RYR1: variants seen among roughly 807,000 people sequenced by gnomAD.
RYR1 encodes the protein ryanodine receptor 1.
Under a neutral mutation model 583.5 loss-of-function variants are expected in RYR1, and 342 were observed. That is an observed-to-expected ratio of 0.59 (90% CI 0.54 to 0.64). RYR1 has a LOEUF of 0.64. Ranked by LOEUF, RYR1 falls within the 30% of genes least tolerant of loss-of-function variation. The pLI, the probability that RYR1 is intolerant of heterozygous loss-of-function variation, is 0.00. For synonymous variants in RYR1, 2,791 were observed against 2,822.5 expected, an observed-to-expected ratio of 0.99 and a Z score of 0.35; for missense variants, 6,032 against 6,917.2, an observed-to-expected ratio of 0.87 and a Z score of 4.54.
intron 7 of RYR1, among the ~76,000 whole-genome samples, chr19:38,445,806 A>C (rs1416755063): frequency 6.6e-6 from 1 of 152,130 alleles, no homozygotes; most frequent in Non-Finnish European, 1.5e-5. Flanking sequence ...CTGGGCCAAC[A>C]TGGCAAAACC....
chr19:38,445,877 C>T (rs1367906732), intron 7 of RYR1, among the ~76,000 whole-genome samples: 1 of 114,064 alleles, frequency 8.8e-6, no homozygotes, highest in East Asian at 2.5e-4. Flanking sequence ...GTAGCCCCAG[C>T]TACTTGGGAG....
At chr19:38,579,424 CAAAAA>C (rs556139705) in intron 99 of RYR1, among the ~76,000 whole-genome samples, 1 of 110,784 alleles carries the variant, frequency 9.0e-6, no homozygotes. Context: ...GACTCCATCT[CAAAAA>C]AAAAAAAAAA....
chr19:38,453,513 A>G (rs1266333264), intron 13 of RYR1, among the ~76,000 whole-genome samples: 1 of 151,358 alleles, frequency 6.6e-6, no homozygotes, highest in Non-Finnish European at 1.5e-5. Context: ...TAGGGAGGGG[A>G]GGCCAGCTGT....
chr19:38,517,726 G>C, intron 66 of RYR1, 35 bp downstream of exon 66: 1 of 1,593,906 alleles, frequency 6.3e-7, no homozygotes, highest in Middle Eastern at 1.7e-4. Context: ...TGAGGGGTGG[G>C]TCAGCAGCCT....
intron 101 of RYR1, among the ~76,000 whole-genome samples, chr19:38,583,288 A>C (rs1599670154): frequency 7.1e-6 from 1 of 140,328 alleles, no homozygotes; most frequent in South Asian, 2.3e-4. Flanking sequence ...CAAGAGCAAA[A>C]CTCCATCTCA....
intron 8 of RYR1, 51 bp downstream of exon 8, chr19:38,446,616 C>A: frequency 1.2e-6 from 2 of 1,600,670 alleles, no homozygotes; most frequent in Non-Finnish European, 1.7e-6. Context: ...ACGTGGAGGG[C>A]TGGGACCCTA....
At chr19:38,481,565 C>T (rs1252003477) in intron 31 of RYR1, among the ~76,000 whole-genome samples, 1 of 152,126 alleles carries the variant, frequency 6.6e-6, no homozygotes, top group African/African-American at 2.4e-5. Flanking sequence ...AGGAACCAGG[C>T]TATTTGTCCT....
chr19:38,485,447 T>C (rs951686056), intron 33 of RYR1, 143 bp from the exon 34 acceptor site: 2 of 1,138,790 alleles, frequency 1.8e-6, no homozygotes, highest in African/African-American at 1.5e-5. Flanking sequence ...GGTGAATTGA[T>C]AGATGGAATG....
intron 37 of RYR1, among the ~76,000 whole-genome samples, chr19:38,491,547 G>A (rs1969551454): frequency 6.6e-6 from 1 of 151,514 alleles, no homozygotes; most frequent in Non-Finnish European, 1.5e-5. Context: ...TCCTACCTCA[G>A]CCTCCAAAGT....
intron 92 of RYR1, 23 bp from the exon 93 acceptor site, chr19:38,567,750 C>T: frequency 1.2e-6 from 2 of 1,614,162 alleles, no homozygotes; most frequent in South Asian, 1.1e-5. Context: ...CACCTCCTGA[C>T]CTCTCTCTGT....
intron 79 of RYR1, 93 bp downstream of exon 79, chr19:38,534,912 C>T: frequency 7.3e-7 from 1 of 1,365,702 alleles, no homozygotes; most frequent in Non-Finnish European, 1.0e-6. Flanking sequence ...CCATTTGCCG[C>T]CCCTCAATGC....
At chr19:38,518,401 T>TAAAAAAA (rs10714494) in intron 66 of RYR1, among the ~76,000 whole-genome samples, 1 of 113,794 alleles carries the variant, frequency 8.8e-6, no homozygotes. Context: ...CTCTATTATT[T>TAAAAAAA]AAAAAAAAAA....
intron 2 of RYR1, among the ~76,000 whole-genome samples, chr19:38,441,065 G>A (rs1449918732): frequency 1.3e-5 from 2 of 151,688 alleles, no homozygotes; most frequent in Non-Finnish European, 2.9e-5. Flanking sequence ...GGTCTGGGGT[G>A]TTGGAGGGAA....
chr19:38,583,297 CAA>C (rs1195725551), intron 101 of RYR1, among the ~76,000 whole-genome samples: 20 of 67,506 alleles, frequency 3.0e-4, no homozygotes, highest in Non-Finnish European at 2.2e-4. Flanking sequence ...AACTCCATCT[CAA>C]AAAAAAAAAA....
At chr19:38,539,005 C>T (rs2145760295) in intron 84 of RYR1, among the ~76,000 whole-genome samples, 1 of 152,288 alleles carries the variant, frequency 6.6e-6, no homozygotes, top group African/African-American at 2.4e-5. Context: ...CGGAAATCAA[C>T]TTTCGTGACA....
chr19:38,563,440 T>C (rs1043205120), intron 90 of RYR1, among the ~76,000 whole-genome samples: 1 of 152,194 alleles, frequency 6.6e-6, no homozygotes, highest in Non-Finnish European at 1.5e-5. Context: ...AATTTTTATA[T>C]TTTCAGTAGA....
At position 38,483,965 on chromosome 19, in the gene RYR1, A is replaced by C. The variant is rs1339978720; in HGVS notation, c.4934+449A>C. ...AGAATCCCGTGGATATTTCAAACCC[A>C]CCCCAGGGGACCCAGACACACCTAG... On this transcript the variant is annotated intron_variant, in intron 33 of 105. Transcript: ENST00000359596. The surrounding 1 kb of genome is among the most constrained non-coding windows in gnomAD (Gnocchi z 6.3). Among the ~76,000 whole-genome samples, 2 of 151,826 alleles carry C rather than the reference A, an allele frequency of 1.3e-5. No individual in the cohort carries two copies. The highest frequency in any genetic ancestry group is 2.9e-5 in the Non-Finnish European group (2 of 67,926).
intron 91 of RYR1, 80 bp from the exon 92 acceptor site, chr19:38,566,831 A>G (rs1165854493): frequency 8.4e-6 from 13 of 1,553,198 alleles, no homozygotes; most frequent in Non-Finnish European, 1.1e-5. Context: ...ATAAGAGAGA[A>G]AGGAGATGAG....
At chr19:38,468,580 T>A (rs1424047331) in intron 25 of RYR1, among the ~76,000 whole-genome samples, 4 of 152,192 alleles carry the variant, frequency 2.6e-5, no homozygotes, top group Non-Finnish European at 4.4e-5. Context: ...TAGCCACTCA[T>A]CTATTTTGTG....
Sources: gnomAD v4.1 joint callset for allele counts (sites outside exome capture counted in the v4.1 genomes callset) on GRCh38, gnomAD v4.1.1 for gene constraint, Gnocchi (gnomAD v3.1) non-coding constraint, MANE v1.5 for transcripts, NCBI Gene and HGNC (gene_info 2026-07-23, HGNC 2026-07-21) for gene names.